DGKB: variants seen among roughly 807,000 people sequenced by gnomAD.
The protein encoded by DGKB is diacylglycerol kinase beta.
Under a neutral mutation model 114.3 loss-of-function variants are expected in DGKB, and 67 were observed. The ratio of observed to expected loss-of-function variants is 0.59; its 90% CI spans 0.48 to 0.72. The LOEUF is 0.72. Among genes scored for constraint, DGKB ranks in the 30% least tolerant of loss-of-function variants. The pLI is 0.00. For synonymous variants in DGKB, 398 were observed against 323.1 expected (o/e 1.23, Z -2.49); for missense variants, 907 against 975.2 (o/e 0.93, Z 0.93).
chr7:14,662,021 C>A (rs1358989816), intron 13 of DGKB, among the ~76,000 whole-genome samples: 1 of 151,868 alleles, frequency 6.6e-6, no homozygotes, highest in African/African-American at 2.4e-5. Flanking sequence ...CACATGGACA[C>A]AGGAAGGGGA....
intron 21 of DGKB, among the ~76,000 whole-genome samples, chr7:14,454,184 C>G (rs1831942071): frequency 6.6e-6 from 1 of 151,978 alleles, no homozygotes; most frequent in Non-Finnish European, 1.5e-5. Flanking sequence ...TGAAATATAC[C>G]ACACATTATT....
chr7:14,768,849 T>C (rs916806157), intron 2 of DGKB, among the ~76,000 whole-genome samples: 5 of 152,006 alleles, frequency 3.3e-5, no homozygotes, highest in Admixed American at 2.6e-4. Context: ...TCTTGATTTG[T>C]ACAAAATGGC....
At chr7:14,949,652 A>G (rs1004184032) in intron 1 of DGKB, among the ~76,000 whole-genome samples, 3 of 151,974 alleles carry the variant, frequency 2.0e-5, no homozygotes, top group African/African-American at 7.2e-5. Flanking sequence ...CAAATTTAAG[A>G]GGTACAACAA....
At chr7:14,470,396 C>T (rs1404621923) in intron 21 of DGKB, among the ~76,000 whole-genome samples, 2 of 151,774 alleles carry the variant, frequency 1.3e-5, no homozygotes, top group Non-Finnish European at 3.0e-5. Context: ...GAAAAAAATT[C>T]AGTCTACAAT....
intron 17 of DGKB, among the ~76,000 whole-genome samples, chr7:14,590,666 T>C (rs1298845405): frequency 6.6e-6 from 1 of 152,128 alleles, no homozygotes; most frequent in Non-Finnish European, 1.5e-5. Flanking sequence ...CCTTACTACA[T>C]TCATTCATTA....
chr7:14,399,016 A>G (rs1822682134), intron 21 of DGKB, among the ~76,000 whole-genome samples: 2 of 151,898 alleles, frequency 1.3e-5, no homozygotes, highest in Non-Finnish European at 1.5e-5. Flanking sequence ...GAGAAAGTAT[A>G]GTGAAATTAG....
chr7:14,337,370 T>C (rs1395215116), intron 23 of DGKB, among the ~76,000 whole-genome samples: 3 of 152,182 alleles, frequency 2.0e-5, no homozygotes, highest in East Asian at 3.8e-4. Flanking sequence ...TAAACATGCT[T>C]GTACTAATAC....
chr7:14,852,493 A>AAAAAAAACAAAAAAAAAAAAAAAAAAAG (rs1475541455), intron 1 of DGKB, among the ~76,000 whole-genome samples: 1 of 146,612 alleles, frequency 6.8e-6, no homozygotes, highest in Non-Finnish European at 1.5e-5. Flanking sequence ...AAGTCAAAAA[A>AAAAAAAACAAAAAAAAAAAAAAAAAAAG]AAAACAGAAA....
intron 21 of DGKB, among the ~76,000 whole-genome samples, chr7:14,458,360 C>G (rs1011550719): frequency 1.1e-4 from 17 of 152,106 alleles, no homozygotes; most frequent in Non-Finnish European, 2.2e-4. Context: ...ATAAATACCT[C>G]TGATAAAACT....
At chr7:14,342,026 G>C (rs568633288) in intron 22 of DGKB, among the ~76,000 whole-genome samples, 1 of 151,732 alleles carries the variant, frequency 6.6e-6, no homozygotes, top group African/African-American at 2.4e-5. Flanking sequence ...GGACACATGG[G>C]GCAGAGACTA....
At chr7:14,280,676 AC>A (rs1380506789) in intron 23 of DGKB, among the ~76,000 whole-genome samples, 1 of 151,360 alleles carries the variant, frequency 6.6e-6, no homozygotes, top group Non-Finnish European at 1.5e-5. Context: ...CAGAAACCCT[AC>A]AAGCCAGAAG....
At chr7:14,710,401 C>G (rs1022711653) in intron 6 of DGKB, among the ~76,000 whole-genome samples, 1 of 152,088 alleles carries the variant, frequency 6.6e-6, no homozygotes, top group Non-Finnish European at 1.5e-5. Flanking sequence ...AATTCAAGTA[C>G]TTGATCTATC....
intron 25 of DGKB, among the ~76,000 whole-genome samples, chr7:14,154,406 G>A (rs1782670605): frequency 6.6e-6 from 1 of 151,736 alleles, no homozygotes; most frequent in African/African-American, 2.4e-5. Flanking sequence ...GGCTGCCTAG[G>A]CCCACCATTT....
intron 2 of DGKB, among the ~76,000 whole-genome samples, chr7:14,834,616 C>T (rs1276241935): frequency 6.6e-6 from 1 of 152,128 alleles, no homozygotes; most frequent in East Asian, 1.9e-4. Context: ...TGGGACTTCA[C>T]TGTAGACAAT....
intron 23 of DGKB, among the ~76,000 whole-genome samples, chr7:14,279,029 G>T (rs1162847322): frequency 6.6e-6 from 1 of 152,144 alleles, no homozygotes; most frequent in African/African-American, 2.4e-5. Flanking sequence ...TGCACGCACC[G>T]TGAGCGAGCC....
chr7:14,871,340 C>T (rs1852422133), intron 1 of DGKB, among the ~76,000 whole-genome samples: 1 of 152,068 alleles, frequency 6.6e-6, no homozygotes, highest in Admixed American at 6.6e-5. Context: ...TGCAATAGGT[C>T]ACCAGAACTC....
chr7:14,811,554 C>A (rs1002797241), intron 2 of DGKB, among the ~76,000 whole-genome samples: 4 of 152,082 alleles, frequency 2.6e-5, no homozygotes, highest in African/African-American at 9.7e-5. Context: ...ACGTGAAATT[C>A]TTTTCATATG....
At chr7:14,214,541 T>C (rs1260047702) in intron 23 of DGKB, among the ~76,000 whole-genome samples, 1 of 152,118 alleles carries the variant, frequency 6.6e-6, no homozygotes, top group Non-Finnish European at 1.5e-5. Flanking sequence ...GATAAATGCA[T>C]TTTCTTATTT....
intron 2 of DGKB, among the ~76,000 whole-genome samples, chr7:14,785,853 TAGAA>T (rs1369454590): frequency 6.6e-6 from 1 of 151,818 alleles, no homozygotes; most frequent in Non-Finnish European, 1.5e-5. Context: ...TGAATACTAT[TAGAA>T]AGTACAATTT....
Sources: gnomAD v4.1 joint callset for allele counts (sites outside exome capture counted in the v4.1 genomes callset) on GRCh38, gnomAD v4.1.1 for gene constraint, MANE v1.5 for transcripts, NCBI Gene and HGNC (gene_info 2026-07-23, HGNC 2026-07-21) for gene names.